The following MAP2K6 variants were observed in gnomAD, a reference collection of about 807,000 sequenced individuals.
MAP2K6 encodes the protein mitogen-activated protein kinase kinase 6, also known as dual specificity mitogen-activated protein kinase kinase 6.
Under a neutral mutation model 53.7 loss-of-function variants are expected in MAP2K6, and 16 were observed. The ratio of observed to expected loss-of-function variants is 0.30; its 90% CI spans 0.20 to 0.45. MAP2K6 has a LOEUF of 0.45. MAP2K6 is among the 20% of genes least tolerant of loss of function. The probability of loss-of-function intolerance (pLI) is 1.00; values close to 1 mark genes in which losing one functional copy is unlikely to be tolerated. For missense variants in MAP2K6, 204 were observed against 411.9 expected, an observed-to-expected ratio of 0.50 and a Z score of 4.37; for synonymous variants, 132 against 143.1, an observed-to-expected ratio of 0.92 and a Z score of 0.55.
chr17:69,513,618 C>T (rs1029844249), intron 2 of MAP2K6, among the ~76,000 whole-genome samples: 12 of 151,576 alleles, frequency 7.9e-5, no homozygotes, highest in Middle Eastern at 3.2e-3. Context: ...CAGAGGATGC[C>T]GTTGTTTATT....
At chr17:69,460,188 A>G (rs1488601922) in intron 1 of MAP2K6, among the ~76,000 whole-genome samples, 1 of 152,166 alleles carries the variant, frequency 6.6e-6, no homozygotes, top group Non-Finnish European at 1.5e-5. Flanking sequence ...CAGTCCTGTC[A>G]TCAAATAAAC....
intron 1 of MAP2K6, among the ~76,000 whole-genome samples, chr17:69,456,611 C>T (rs1598271101): frequency 6.6e-6 from 1 of 152,128 alleles, no homozygotes; most frequent in East Asian, 1.9e-4. Context: ...ATTGTTTTCT[C>T]AGTGGGGTCT....
chr17:69,537,076 T>C (rs971140380), intron 11 of MAP2K6, among the ~76,000 whole-genome samples: 3 of 149,266 alleles, frequency 2.0e-5, no homozygotes, highest in African/African-American at 7.6e-5. Flanking sequence ...AGTGAGACCC[T>C]GTCTCAAAGA....
In MAP2K6 at chr17:69,552,146, A is replaced by G. The variant is rs966468414; in HGVS notation, c.*10393A>G. On this transcript the variant is annotated 3_prime_UTR_variant, in exon 12 of 12. Coordinates refer to ENST00000590474, the MANE Select transcript of MAP2K6 (RefSeq NM_002758.4). Reference sequence around the variant, plus strand: ...ATTGATTGTTTGCCTGTTGCACCCTAAAGTTATTTTCAAACCATGTTTATT... The same window carrying G: ...ATTGATTGTTTGCCTGTTGCACCCTGAAGTTATTTTCAAACCATGTTTATT... 6.6e-6 allele frequency: 1 copy of G among 152,244 alleles called. No homozygotes were observed. The highest frequency in any genetic ancestry group is 6.5e-5 in the Admixed American group (1 of 15,282). The allele number at this position is 152,244 out of a possible 1,614,324, so 9.4% of individuals were successfully genotyped here.
chr17:69,470,184 A>G (rs1365946501), intron 1 of MAP2K6, among the ~76,000 whole-genome samples: 1 of 152,200 alleles, frequency 6.6e-6, no homozygotes, highest in Non-Finnish European at 1.5e-5. Flanking sequence ...AGCCTGGATA[A>G]CAGAGCGAGA....
chr17:69,521,118 G>A lies in MAP2K6; in HGVS notation c.535+18G>A, dbSNP rs906241550. 7.5e-6 allele frequency: 12 copies of A among 1,607,134 alleles called. No individual in the cohort carries two copies. The African/African-American group carries it at 1.2e-4, about 16-fold the overall frequency. ...TCACAGAGGTAAGCATCCATGAGCT[G>A]CCTTGGCTGTTCCTTTGATAAAGTT... On this transcript the variant is annotated intron_variant, in intron 7 of 11. Coordinates refer to ENST00000590474, the MANE Select transcript of MAP2K6 (RefSeq NM_002758.4).
In MAP2K6 at chr17:69,518,198, T is replaced by TTAATAATAA. The variant is rs71144699; in HGVS notation, c.246+599_246+607dup. Among the ~76,000 whole-genome samples, 10 of 149,576 alleles carry TTAATAATAA rather than the reference T, an allele frequency of 6.7e-5. No homozygotes were observed. In the South Asian group the frequency reaches 8.5e-4, roughly 13 times the overall value. On this transcript the variant is annotated intron_variant, in intron 4 of 11. Coordinates refer to ENST00000590474, the MANE Select transcript of MAP2K6 (RefSeq NM_002758.4). ...GAGTGAGACTCCATCTCAAATAATATTAATAATAATAATAATAATAATGAT... is the reference window on the plus strand; with the variant it reads ...GAGTGAGACTCCATCTCAAATAATATTAATAATAATAATAATAATAATAATAATAATGAT...
intron 1 of MAP2K6, among the ~76,000 whole-genome samples, chr17:69,452,056 C>T (rs749234590): frequency 1.2e-4 from 18 of 152,042 alleles, no homozygotes; most frequent in Non-Finnish European, 2.5e-4. Context: ...AGTAGGAATG[C>T]GGCAACAAGA....
At chr17:69,520,458 T>A in intron 6 of MAP2K6, 72 bp downstream of exon 6, 1 of 827,332 alleles carries the variant, frequency 1.2e-6, no homozygotes, top group Non-Finnish European at 2.0e-6. Context: ...TGGACCTCAG[T>A]ATGAAGAAAT....
At chr17:69,504,448 T>C in intron 1 of MAP2K6, 1 of 152,310 alleles carries the variant, frequency 6.6e-6, no homozygotes, top group Non-Finnish European at 1.5e-5. Context: ...GCTAATTTAT[T>C]GTATTTTTAG....
At position 69,517,518 on chromosome 17, in the gene MAP2K6, G is replaced by A; in HGVS notation, c.151G>A (p.Asp51Asn). 1.2e-6 allele frequency: 2 copies of A among 1,606,604 alleles called. No homozygotes were observed. Among genetic ancestry groups the A allele is most frequent in the Non-Finnish European group, 1.7e-6 (2 of 1,176,218 alleles). Residue 51 changes from aspartate to asparagine, a missense_variant, in exon 4 of 12, where the codon GAT becomes AAT. Transcript: ENST00000590474. ...IGNQNFEVKA[D>N]DLEPIMELGR... ...CTTGCAGAACTTTGAGGTGAAGGCA[G>A]ATGACCTGGAGCCTATAATGGAACT...
chr17:69,430,902 T>G lies in MAP2K6; in HGVS notation c.16+15902T>G, dbSNP rs149874343. 2.2e-4 allele frequency among the ~76,000 whole-genome samples: 33 copies of G among 152,358 alleles called. No homozygotes were observed. In the East Asian group the frequency reaches 6.4e-3, roughly 29 times the overall value. On this transcript the variant is annotated intron_variant, in intron 1 of 11. Coordinates refer to ENST00000590474, the MANE Select transcript of MAP2K6 (RefSeq NM_002758.4). ...GAGGAAGGGTTATACTGCTACTCTA[T>G]TCTAACAATGTATCAGGGGGATGTA...
At chr17:69,442,013 C>T (rs546204283) in intron 1 of MAP2K6, among the ~76,000 whole-genome samples, 85 of 152,272 alleles carry the variant, frequency 5.6e-4, no homozygotes, top group African/African-American at 1.7e-3. Context: ...TACCACTGAA[C>T]AGTGGTAGAG....
chr17:69,508,761 C>T (rs1909658778), intron 2 of MAP2K6, among the ~76,000 whole-genome samples: 1 of 152,194 alleles, frequency 6.6e-6, no homozygotes. Flanking sequence ...CATTTAAGCC[C>T]ATGGTCCATT....
At chr17:69,462,925 T>C (rs1481036044) in intron 1 of MAP2K6, among the ~76,000 whole-genome samples, 2 of 149,204 alleles carry the variant, frequency 1.3e-5, no homozygotes, top group Non-Finnish European at 3.0e-5. Flanking sequence ...AAACCCCATG[T>C]GAAAGAGGCC....
At chr17:69,450,367 G>C (rs901209642) in intron 1 of MAP2K6, among the ~76,000 whole-genome samples, 2 of 152,204 alleles carry the variant, frequency 1.3e-5, no homozygotes, top group Admixed American at 6.5e-5. Context: ...CTCTGAGTCT[G>C]AGGCAGTAGC....
At chr17:69,484,837 G>A (rs770223813) in intron 1 of MAP2K6, among the ~76,000 whole-genome samples, 2 of 152,050 alleles carry the variant, frequency 1.3e-5, no homozygotes, top group East Asian at 1.9e-4. Context: ...TGCACATATT[G>A]TATAATTTCA....
intron 10 of MAP2K6, among the ~76,000 whole-genome samples, chr17:69,528,250 A>G (rs1910887512): frequency 6.6e-6 from 1 of 152,090 alleles, no homozygotes; most frequent in Admixed American, 6.5e-5. Flanking sequence ...CATTTCTGGT[A>G]CTTTTCCCTG....
At chr17:69,474,296 A>G (rs1445999599) in intron 1 of MAP2K6, among the ~76,000 whole-genome samples, 6 of 152,236 alleles carry the variant, frequency 3.9e-5, no homozygotes, top group Non-Finnish European at 1.5e-5. Flanking sequence ...GTACTGATTG[A>G]TGAGGATGTC....
Sources: gnomAD v4.1 joint callset for allele counts (sites outside exome capture counted in the v4.1 genomes callset) on GRCh38, gnomAD v4.1.1 for gene constraint, MANE v1.5 for transcripts, NCBI Gene and HGNC (gene_info 2026-07-23, HGNC 2026-07-21) for gene names.